WDR17: variants seen among roughly 807,000 people sequenced by gnomAD.
WDR17 encodes WD repeat-containing protein 17.
WDR17 carries 143 observed loss-of-function variants against 161.7 expected under a neutral mutation model. That is an observed-to-expected ratio of 0.88 (90% CI 0.77 to 1.02). WDR17 has a LOEUF of 1.02. Ranked by LOEUF, WDR17 falls within the 50% of genes least tolerant of loss-of-function variation. The pLI is 0.00. For synonymous variants in WDR17, 517 were observed against 515.6 expected, an observed-to-expected ratio of 1.00 and a Z score of -0.04; for missense variants, 1,469 against 1,520.9, an observed-to-expected ratio of 0.97 and a Z score of 0.57.
chr4:176,118,955 C>T (rs948005286), intron 3 of WDR17, among the ~76,000 whole-genome samples: 21 of 151,604 alleles, frequency 1.4e-4, no homozygotes, highest in Non-Finnish European at 1.8e-4. Flanking sequence ...AGCAAGACTC[C>T]GTCTCAAAAA....
In WDR17 at chr4:176,160,068, A is replaced by G. The variant is rs866739640; in HGVS notation, c.2600A>G (p.Lys867Arg). The G allele has an allele frequency of 6.2e-7, 1 of 1,613,946 alleles. No homozygotes were observed. The highest frequency in any genetic ancestry group is 1.3e-5 in the African/African-American group (1 of 75,050). Residue 867 changes from lysine to arginine, a missense_variant, in exon 19 of 29, where the codon AAG becomes AGG. Lys to Arg is a conservative substitution (Grantham distance 26). Coordinates refer to ENST00000508596, the MANE Select transcript of WDR17 (RefSeq NM_181265.4). ...TGCATAGCCATTGGTGATGTGAAAA[A>G]GCTAGTCCATTTTTTCATGTCAAGA... ...PYCIAIGDVK[K>R]LVHFFMSRGQ...
At position 176,179,972 on chromosome 4, in the gene WDR17, A is replaced by G. The variant is rs1414950303; in HGVS notation, c.*393A>G. 6 of 152,248 alleles carry G rather than the reference A, an allele frequency of 3.9e-5. No homozygotes were observed. Among genetic ancestry groups the G allele is most frequent in the African/African-American group, 1.2e-4 (5 of 41,452 alleles). 9.4% of individuals were successfully genotyped at this position (152,248 alleles called of 1,614,324 possible). On this transcript the variant is annotated 3_prime_UTR_variant, in exon 29 of 29. Transcript: ENST00000508596. ...TAGACATACAGTAAGTACTTAATGG[A>G]TATTTGAATGATTGAATATCTTGAA...
chr4:176,126,099 A>C (rs1328387542), intron 5 of WDR17, among the ~76,000 whole-genome samples: 1 of 152,204 alleles, frequency 6.6e-6, no homozygotes, highest in Admixed American at 6.5e-5. Flanking sequence ...ACTGCCTCTG[A>C]TTAGACCCTA....
intron 3 of WDR17, among the ~76,000 whole-genome samples, chr4:176,118,471 T>C (rs114234101): frequency 0.014 from 2,150 of 152,236 alleles, 57 homozygotes; most frequent in African/African-American, 0.049. Flanking sequence ...TCAGCAAATA[T>C]TTATGGAGTC....
Position 176,156,165 on chromosome 4 carries a change from T to C in WDR17, c.2525+22T>C, listed in dbSNP as rs146150971. On this transcript the variant is annotated intron_variant, in intron 18 of 28. Transcript: ENST00000508596. Reference sequence around the variant, plus strand: ...AGAGGTAAGGCAGAGAGAGTCCGTGTTAAAACAGATGTTTTAAAATCATGT... The same window carrying C: ...AGAGGTAAGGCAGAGAGAGTCCGTGCTAAAACAGATGTTTTAAAATCATGT... The C allele has an allele frequency of 1.6e-3, 2,624 of 1,604,926 alleles. 4 individuals are homozygous for C. The highest frequency in any genetic ancestry group is 2.6e-3 in the Admixed American group (151 of 58,644).
At position 176,094,394 on chromosome 4, in the gene WDR17, C is replaced by T. The variant is rs377096241; in HGVS notation, c.-6-17181C>T. ...ACAAATAATCACTATCTAATACCTA[C>T]AAATATAGATATGAAGGAGCACAGA... is the stretch of plus-strand genomic sequence containing the variant. On this transcript the variant is annotated intron_variant, in intron 1 of 28. Coordinates refer to ENST00000508596, the MANE Select transcript of WDR17 (RefSeq NM_181265.4). Among the ~76,000 whole-genome samples the T allele has an allele frequency of 9.0e-4, 137 of 152,198 alleles. 1 individual carries two copies. The highest frequency in any genetic ancestry group is 3.1e-3 in the African/African-American group (127 of 41,538).
At chr4:176,154,738 A>T (rs1010892550) in intron 17 of WDR17, among the ~76,000 whole-genome samples, 4 of 152,202 alleles carry the variant, frequency 2.6e-5, no homozygotes, top group Non-Finnish European at 4.4e-5. Context: ...CCTGTTTAAA[A>T]TTTAACGTAT....
At chr4:176,156,506 A>C (rs971432945) in intron 18 of WDR17, among the ~76,000 whole-genome samples, 4 of 152,066 alleles carry the variant, frequency 2.6e-5, no homozygotes, top group African/African-American at 9.7e-5. Context: ...ATTATCTCAA[A>C]AATTTTCTCT....
At chr4:176,135,080 T>G in intron 7 of WDR17, 28 bp from the exon 8 acceptor site, 1 of 1,606,244 alleles carries the variant, frequency 6.2e-7, no homozygotes, top group South Asian at 1.1e-5. Flanking sequence ...TCCTCAATAA[T>G]TATGACTTTT....
In WDR17 at chr4:176,172,360, T is replaced by C. The variant is rs1439418512; in HGVS notation, c.3103-15T>C. The C allele has an allele frequency of 2.3e-5, 37 of 1,599,700 alleles. No individual in the cohort carries two copies. The highest frequency in any genetic ancestry group is 3.1e-5 in the Non-Finnish European group (37 of 1,176,136). On this transcript the variant is annotated splice_polypyrimidine_tract_variant and intron_variant, in intron 23 of 28. Transcript: ENST00000508596. ...GAATTTTAGTAACATTGTTTTCAAA[T>C]CAATTATTTTCTAGTGTAAGCTACC...
In WDR17 at chr4:176,142,020, T is replaced by C; in HGVS notation, c.1480T>C (p.Tyr494His). 6.2e-7 allele frequency: 1 copy of C among 1,610,260 alleles called. No homozygotes were observed. Among genetic ancestry groups the C allele is most frequent in the East Asian group, 2.2e-5 (1 of 44,740 alleles). ...AATTGATGGTAAAGTGCTACACAAATATAAACATCCAGCTGCAGTGTTTGG... is the reference window on the plus strand; with the variant it reads ...AATTGATGGTAAAGTGCTACACAAACATAAACATCCAGCTGCAGTGTTTGG... Reference protein sequence around the residue: ...RTIDGKVLHKYKHPAAVFGCD... With the variant: ...RTIDGKVLHKHKHPAAVFGCD... Residue 494 changes from tyrosine (Y) to histidine (H), a missense_variant, in exon 11 of 29, where the codon TAT becomes CAT. Coordinates refer to ENST00000508596, the MANE Select transcript of WDR17 (RefSeq NM_181265.4).
At chr4:176,174,043 T>G (rs554522644) in intron 25 of WDR17, among the ~76,000 whole-genome samples, 2 of 152,044 alleles carry the variant, frequency 1.3e-5, no homozygotes, top group South Asian at 2.1e-4. Flanking sequence ...ATACTGAGCT[T>G]GTGGGAAAGA....
At chr4:176,158,126 T>C (rs1297366679) in intron 18 of WDR17, among the ~76,000 whole-genome samples, 2 of 152,204 alleles carry the variant, frequency 1.3e-5, no homozygotes, top group African/African-American at 4.8e-5. Context: ...AGGGTTTTAA[T>C]TTTAAATAGG....
intron 21 of WDR17, 110 bp downstream of exon 21, chr4:176,162,284 C>A: frequency 2.3e-6 from 2 of 881,830 alleles, no homozygotes; most frequent in African/African-American, 1.7e-5. Context: ...TTTTGCATGT[C>A]TTCGAAGCCT....
chr4:176,086,904 C>T (rs1735491876), intron 1 of WDR17, among the ~76,000 whole-genome samples: 1 of 151,620 alleles, frequency 6.6e-6, no homozygotes, highest in Non-Finnish European at 1.5e-5. Flanking sequence ...ATTTACTGTT[C>T]CTTTTTATAA....
At chr4:176,166,142 C>T in intron 22 of WDR17, 1 of 1,024,648 alleles carries the variant, frequency 9.8e-7, no homozygotes, top group Admixed American at 2.9e-5. Flanking sequence ...GTGTTGGATA[C>T]AGGTATTATC....
At chr4:176,156,677 T>TA (rs34152816) in intron 18 of WDR17, among the ~76,000 whole-genome samples, 5,662 of 128,838 alleles carry the variant, frequency 0.044, 176 homozygotes, top group African/African-American at 0.1. Flanking sequence ...GGGGTTGCCG[T>TA]AAAAAAAAAA....
In WDR17 at chr4:176,071,330, C is replaced by CTTT. The variant is rs10654973; in HGVS notation, c.-7+5259_-7+5261dup. On this transcript the variant is annotated intron_variant, in intron 1 of 28. Transcript: ENST00000508596. ...TTCTCCCTTTTCTTTTTTCTTTTCT[C>CTTT]TTTTTTTTTTGAGACAGAGTCTCAC... Among the ~76,000 whole-genome samples the CTTT allele has an allele frequency of 3.6e-4, 51 of 143,620 alleles. 2 individuals carry two copies. Among genetic ancestry groups the CTTT allele is most frequent in the Admixed American group, 5.6e-4 (8 of 14,408 alleles). 94.2% of individuals were successfully genotyped at this position (143,620 alleles called of 152,430 possible).
chr4:176,146,122 C>T lies in WDR17; in HGVS notation c.1657C>T (p.Leu553=). 2 of 1,613,820 alleles carry T rather than the reference C, an allele frequency of 1.2e-6. No homozygotes were observed. Among genetic ancestry groups the T allele is most frequent in the Non-Finnish European group, 1.7e-6 (2 of 1,179,878 alleles). Residue 553 remains leucine (L), a synonymous_variant, in exon 12 of 29, where the codon CTG becomes TTG. Transcript: ENST00000508596. ...AKVFHVKWSP[L]REGILCSGSD... is the part of the protein sequence containing the mutation. ...AGTGTTTCATGTTAAATGGTCTCCT[C>T]TGAGAGAGGGAATTCTTTGCAGTGG...
Sources: allele counts gnomAD v4.1 joint callset (sites outside exome capture counted in the v4.1 genomes callset), GRCh38; gene constraint gnomAD v4.1.1; transcripts MANE v1.5; gene names NCBI Gene and HGNC (gene_info 2026-07-23, HGNC 2026-07-21).